Variants in GRM8 observed in about 807,000 individuals in gnomAD.
The protein encoded by GRM8 is glutamate metabotropic receptor 8.
A neutral mutation model predicts 87.2 loss-of-function variants in GRM8; 47 were observed. That is an observed-to-expected ratio of 0.54 (90% CI 0.43 to 0.69). GRM8 has a LOEUF of 0.69. Ranked by LOEUF, GRM8 falls within the 30% of genes least tolerant of loss-of-function variation. The pLI, the probability that GRM8 is intolerant of heterozygous loss-of-function variation, is 0.00. For missense variants in GRM8, 1,019 were observed against 1,139.2 expected (o/e 0.89, Z 1.52); for synonymous variants, 396 against 404.5 (o/e 0.98, Z 0.25).
chr7:126,800,863 T>C (rs1393113956), intron 6 of GRM8, among the ~76,000 whole-genome samples: 1 of 152,110 alleles, frequency 6.6e-6, no homozygotes, highest in East Asian at 1.9e-4. Context: ...AATATAAAAC[T>C]TGTAAAATAT....
At chr7:126,939,496 C>T (rs1806678591) in intron 3 of GRM8, among the ~76,000 whole-genome samples, 1 of 152,170 alleles carries the variant, frequency 6.6e-6, no homozygotes, top group Admixed American at 6.5e-5. Context: ...ATTCAAGCAC[C>T]TGGTTACTAC....
intron 2 of GRM8, among the ~76,000 whole-genome samples, chr7:127,232,932 G>C (rs1186016122): frequency 6.6e-6 from 1 of 152,116 alleles, no homozygotes; most frequent in Non-Finnish European, 1.5e-5. Flanking sequence ...CTGTCTCCCA[G>C]GTTCAAGTGA....
At chr7:126,762,121 T>C (rs1026739985) in intron 7 of GRM8, among the ~76,000 whole-genome samples, 5 of 152,086 alleles carry the variant, frequency 3.3e-5, no homozygotes, top group African/African-American at 1.2e-4. Flanking sequence ...AGCACTCTTG[T>C]AAAAATTAGG....
intron 7 of GRM8, among the ~76,000 whole-genome samples, chr7:126,616,246 G>T (rs1188244412): frequency 6.6e-6 from 1 of 152,178 alleles, no homozygotes; most frequent in African/African-American, 2.4e-5. Context: ...CAACTACATG[G>T]AAACTGAACA....
chr7:126,785,868 C>A (rs1297576167), intron 6 of GRM8, among the ~76,000 whole-genome samples: 1 of 152,116 alleles, frequency 6.6e-6, no homozygotes, highest in African/African-American at 2.4e-5. Flanking sequence ...CTCATTTAAA[C>A]AAATGTTATT....
intron 6 of GRM8, among the ~76,000 whole-genome samples, chr7:126,828,070 T>C (rs897120327): frequency 6.6e-6 from 1 of 152,198 alleles, no homozygotes; most frequent in African/African-American, 2.4e-5. Context: ...TCCCACTTGA[T>C]CATGGTGGAT....
chr7:126,639,084 A>G (rs1274687852), intron 7 of GRM8, among the ~76,000 whole-genome samples: 1 of 152,120 alleles, frequency 6.6e-6, no homozygotes, highest in Non-Finnish European at 1.5e-5. Flanking sequence ...AACAACCTAA[A>G]ATGCGTATCT....
intron 6 of GRM8, among the ~76,000 whole-genome samples, chr7:126,888,424 T>A (rs1218585361): frequency 2.0e-5 from 3 of 152,154 alleles, no homozygotes. Context: ...TTCTATGTAC[T>A]CCCTGTCCTC....
intron 7 of GRM8, among the ~76,000 whole-genome samples, chr7:126,638,010 G>GT (rs1173029157): frequency 6.6e-6 from 1 of 151,904 alleles, no homozygotes; most frequent in Non-Finnish European, 1.5e-5. Flanking sequence ...CCTGAAGTTT[G>GT]TTTAAACTGA....
chr7:126,707,430 G>T (rs1207301340), intron 7 of GRM8, among the ~76,000 whole-genome samples: 1 of 152,096 alleles, frequency 6.6e-6, no homozygotes, highest in African/African-American at 2.4e-5. Flanking sequence ...ATTGTATCTT[G>T]CCTTAAGGTA....
At chr7:126,464,301 A>T (rs543573372) in intron 9 of GRM8, among the ~76,000 whole-genome samples, 1 of 151,738 alleles carries the variant, frequency 6.6e-6, no homozygotes, top group East Asian at 1.9e-4. Context: ...ATTTGCATGG[A>T]ATGTATTTTA....
chr7:126,766,633 G>A (rs1479444281), intron 7 of GRM8, among the ~76,000 whole-genome samples: 1 of 152,050 alleles, frequency 6.6e-6, no homozygotes, highest in Admixed American at 6.6e-5. Context: ...GCAATAGCTA[G>A]GCTAAAAACC....
At chr7:127,026,468 G>T (rs896433500) in intron 3 of GRM8, among the ~76,000 whole-genome samples, 1 of 152,144 alleles carries the variant, frequency 6.6e-6, no homozygotes, top group Non-Finnish European at 1.5e-5. Flanking sequence ...CCCACCAACA[G>T]TGTAAAAGCA....
intron 9 of GRM8, among the ~76,000 whole-genome samples, chr7:126,462,502 T>C (rs1293625648): frequency 3.3e-5 from 5 of 151,632 alleles, no homozygotes; most frequent in Admixed American, 1.3e-4. Context: ...CATGTAATAT[T>C]ATATGTATAA....
chr7:127,015,066 A>AGAAGAAGAGGAG (rs1454124629), intron 3 of GRM8, among the ~76,000 whole-genome samples: 2 of 104,428 alleles, frequency 1.9e-5, no homozygotes, highest in African/African-American at 6.1e-5. Flanking sequence ...AAGAAGAAGA[A>AGAAGAAGAGGAG]GAAAGAAAGA....
Position 126,492,901 on chromosome 7 carries a change from A to G in GRM8, c.2430+40051T>C, listed in dbSNP as rs1186435097. On this transcript the variant is annotated intron_variant, in intron 9 of 10. Coordinates refer to ENST00000339582, the MANE Select transcript of GRM8 (RefSeq NM_000845.3). Reference sequence around the variant, plus strand: ...TATATGCATTTGAATATTGCCTGGAAAGCCTCTCCAAGTCCATTAAATTAT... The same window carrying G: ...TATATGCATTTGAATATTGCCTGGAGAGCCTCTCCAAGTCCATTAAATTAT... 2.0e-5 allele frequency among the ~76,000 whole-genome samples: 3 copies of G among 152,150 alleles called. No individual in the cohort carries two copies. The East Asian group carries it at 5.9e-4, about 30-fold the overall frequency.
At chr7:126,917,903 A>AT (rs560227018) in intron 3 of GRM8, among the ~76,000 whole-genome samples, 274 of 152,252 alleles carry the variant, frequency 1.8e-3, no homozygotes, top group African/African-American at 6.4e-3. Flanking sequence ...ATTGCAAGCT[A>AT]TTTTCTCCAT....
At chr7:126,510,911 C>T (rs1352304198) in intron 9 of GRM8, among the ~76,000 whole-genome samples, 1 of 152,042 alleles carries the variant, frequency 6.6e-6, no homozygotes, top group African/African-American at 2.4e-5. Flanking sequence ...TGAGGGCTTG[C>T]AATAGAGCTA....
intron 9 of GRM8, among the ~76,000 whole-genome samples, chr7:126,492,221 T>C (rs754474559): frequency 2.6e-5 from 4 of 151,884 alleles, no homozygotes; most frequent in Non-Finnish European, 5.9e-5. Flanking sequence ...TGGATAATTT[T>C]TGTATCTTTT....
Sources: gnomAD v4.1 joint callset for allele counts (sites outside exome capture counted in the v4.1 genomes callset) on GRCh38, gnomAD v4.1.1 for gene constraint, MANE v1.5 for transcripts, NCBI Gene and HGNC (gene_info 2026-07-23, HGNC 2026-07-21) for gene names.